LARGE1: variants seen among roughly 807,000 people sequenced by gnomAD.
LARGE1 encodes the protein LARGE xylosyl- and glucuronyltransferase 1, also known as xylosyl- and glucuronyltransferase LARGE1.
LARGE1 carries 43 observed loss-of-function variants against 87.6 expected under a neutral mutation model. That is an observed-to-expected ratio of 0.49 (90% CI 0.38 to 0.63). The LOEUF (loss-of-function observed/expected upper bound fraction) is 0.63, where lower values mean the gene tolerates loss of function less well. Ranked by LOEUF, LARGE1 falls within the 30% of genes least tolerant of loss-of-function variation. The pLI, the probability that LARGE1 is intolerant of heterozygous loss-of-function variation, is 0.00. For missense variants in LARGE1, 802 were observed against 1,000.2 expected, an observed-to-expected ratio of 0.80 and a Z score of 2.67; for synonymous variants, 434 against 394.6, an observed-to-expected ratio of 1.10 and a Z score of -1.18.
intron 2 of LARGE1, among the ~76,000 whole-genome samples, chr22:33,660,090 G>GTGT (rs1419985722): frequency 8.0e-5 from 10 of 125,426 alleles, no homozygotes; most frequent in African/African-American, 2.6e-4. Context: ...GTGTGTGTGT[G>GTGT]TTTTTTTTTT....
chr22:33,337,516 C>T (rs893502377), intron 10 of LARGE1, 130 bp downstream of exon 10: 4 of 1,066,120 alleles, frequency 3.8e-6, no homozygotes, highest in Non-Finnish European at 5.6e-6. Flanking sequence ...ATGGTGGACC[C>T]TGGGCACCGA....
At chr22:33,254,529 A>T (rs1927163603) in intron 11 of LARGE1, among the ~76,000 whole-genome samples, 1 of 152,178 alleles carries the variant, frequency 6.6e-6, no homozygotes, top group African/African-American at 2.4e-5. Flanking sequence ...ATCTCCTTTC[A>T]AAGAAGGGAT....
chr22:33,418,597 A>G (rs900240265), intron 7 of LARGE1, among the ~76,000 whole-genome samples: 6 of 152,196 alleles, frequency 3.9e-5, no homozygotes, highest in African/African-American at 1.4e-4. Flanking sequence ...GGACTGAGGA[A>G]GTAATGGGAT....
intron 7 of LARGE1, among the ~76,000 whole-genome samples, chr22:33,385,490 G>A (rs892383877): frequency 3.2e-5 from 4 of 125,120 alleles, no homozygotes; most frequent in African/African-American, 9.4e-5. Flanking sequence ...ATCGTGCCAC[G>A]GCACTCCAGC....
At chr22:33,782,897 A>AG (rs1229453705) in intron 1 of LARGE1, among the ~76,000 whole-genome samples, 1 of 150,708 alleles carries the variant, frequency 6.6e-6, no homozygotes, top group Non-Finnish European at 1.5e-5. Context: ...AAAAAAAAAA[A>AG]AAGAGAGAGA....
intron 9 of LARGE1, among the ~76,000 whole-genome samples, chr22:33,345,658 T>G (rs1460466765): frequency 2.6e-5 from 4 of 152,156 alleles, no homozygotes; most frequent in African/African-American, 9.7e-5. Flanking sequence ...CAGAGAAAAT[T>G]GACAGAAATT....
At chr22:33,412,192 G>A (rs957811907) in intron 7 of LARGE1, among the ~76,000 whole-genome samples, 11 of 152,176 alleles carry the variant, frequency 7.2e-5, no homozygotes, top group Non-Finnish European at 1.6e-4. Flanking sequence ...GCTGAGGCAA[G>A]AGAATTGCTT....
chr22:33,309,405 G>C (rs1005994019), intron 11 of LARGE1, among the ~76,000 whole-genome samples: 2 of 152,180 alleles, frequency 1.3e-5, no homozygotes, highest in Non-Finnish European at 1.5e-5. Context: ...GACCTCAGGT[G>C]ATTTGACTGC....
At chr22:33,863,377 C>T (rs1015854527) in intron 1 of LARGE1, among the ~76,000 whole-genome samples, 3 of 152,182 alleles carry the variant, frequency 2.0e-5, no homozygotes, top group South Asian at 2.1e-4. Flanking sequence ...TCCTGCCTCA[C>T]GATGGGGCCA....
At chr22:33,437,490 A>T (rs2067312877) in intron 6 of LARGE1, among the ~76,000 whole-genome samples, 1 of 152,156 alleles carries the variant, frequency 6.6e-6, no homozygotes, top group African/African-American at 2.4e-5. Context: ...TCTAAGCACA[A>T]GTTAATTTGT....
chr22:33,642,395 T>C (rs192101292), intron 3 of LARGE1, among the ~76,000 whole-genome samples: 386 of 152,074 alleles, frequency 2.5e-3, no homozygotes, highest in Admixed American at 8.1e-3. Flanking sequence ...GCACTAAATA[T>C]GGAAAGGAAA....
At chr22:33,114,438 G>C in the LARGE1 span, among the ~76,000 whole-genome samples, 3 of 152,154 alleles carry the variant, frequency 2.0e-5, no homozygotes, top group African/African-American at 7.2e-5. Context: ...GAAACACTCA[G>C]AATAGTGCCT....
intron 1 of LARGE1, among the ~76,000 whole-genome samples, chr22:33,824,463 G>A (rs2062724977): frequency 6.6e-6 from 1 of 152,086 alleles, no homozygotes; most frequent in South Asian, 2.1e-4. Context: ...AACAGCAAGG[G>A]GGAAGTCCAC....
intron 2 of LARGE1, among the ~76,000 whole-genome samples, chr22:33,735,187 C>T (rs545515568): frequency 5.3e-5 from 8 of 152,206 alleles, no homozygotes; most frequent in Non-Finnish European, 1.2e-4. Flanking sequence ...CAGGAGAAGG[C>T]ACTGGAGGAA....
intron 4 of LARGE1, among the ~76,000 whole-genome samples, chr22:33,604,941 G>A (rs1441867458): frequency 6.6e-6 from 1 of 151,852 alleles, no homozygotes; most frequent in African/African-American, 2.4e-5. Context: ...CAACAATGTA[G>A]TGTAAGTTTT....
chr22:33,083,899 A>G, the LARGE1 span, among the ~76,000 whole-genome samples: 1 of 151,948 alleles, frequency 6.6e-6, no homozygotes, highest in Non-Finnish European at 1.5e-5. Context: ...TCTACTTAAA[A>G]CCCTTAGCTG....
chr22:33,816,454 G>A (rs546316005), intron 1 of LARGE1, among the ~76,000 whole-genome samples: 2 of 152,190 alleles, frequency 1.3e-5, no homozygotes, highest in Admixed American at 1.3e-4. Flanking sequence ...GTCCTCACAT[G>A]GTGAAAGGCT....
intron 5 of LARGE1, among the ~76,000 whole-genome samples, chr22:33,565,488 A>C (rs1192421131): frequency 6.6e-6 from 1 of 152,212 alleles, no homozygotes; most frequent in Non-Finnish European, 1.5e-5. Flanking sequence ...AGTATTGTTA[A>C]AGCTTATGCT....
chr22:33,684,083 G>C lies in LARGE1; in HGVS notation c.107-33415C>G, dbSNP rs138062380. On this transcript the variant is annotated intron_variant, in intron 2 of 14. Coordinates refer to ENST00000397394, the MANE Select transcript of LARGE1 (RefSeq NM_133642.5). ...GATACTAACAGTTTTGTAGTGAGCTGCTCTTTAATAAGACACGAGGCAAGA... is the reference window on the plus strand; with the variant it reads ...GATACTAACAGTTTTGTAGTGAGCTCCTCTTTAATAAGACACGAGGCAAGA... 1.4e-4 allele frequency among the ~76,000 whole-genome samples: 21 copies of C among 152,276 alleles called. No individual in the cohort carries two copies. In the East Asian group the frequency reaches 4.1e-3, roughly 29 times the overall value.
Sources: gnomAD v4.1 joint callset for allele counts (sites outside exome capture counted in the v4.1 genomes callset) on GRCh38, gnomAD v4.1.1 for gene constraint, MANE v1.5 for transcripts, NCBI Gene and HGNC (gene_info 2026-07-23, HGNC 2026-07-21) for gene names.